APOB: variants seen among roughly 807,000 people sequenced by gnomAD.
The protein encoded by APOB is apolipoprotein B-100.
Under a neutral mutation model 314.1 loss-of-function variants are expected in APOB, and 153 were observed. That is an observed-to-expected ratio of 0.49 (90% CI 0.43 to 0.56). APOB has a LOEUF of 0.56. Ranked by LOEUF, APOB falls within the 20% of genes least tolerant of loss-of-function variation. The pLI is 0.00. For missense variants in APOB, 5,430 were observed against 5,350.7 expected (o/e 1.01, Z -0.46); for synonymous variants, 2,087 against 2,036.4 (o/e 1.02, Z -0.67).
Position 21,022,950 on chromosome 2 carries a change from G to A in APOB, c.2697C>T (p.Val899=), listed in dbSNP as rs1558570106. 3.7e-6 allele frequency: 6 copies of A among 1,613,952 alleles called. No individual in the cohort carries two copies. Among genetic ancestry groups the A allele is most frequent in the Non-Finnish European group, 5.1e-6 (6 of 1,180,014 alleles). The part of the protein sequence containing the change: ...IIIPDFARSG[V]QMNTNFFHES... The stretch of plus-strand genomic sequence containing the variant: ...CGTGGAAGAAGTTGGTGTTCATCTG[G>A]ACCCCACTCCTAGCGAAGTCCGGAA... The change falls in exon 18 of 29, where the codon GTC becomes GTT. Residue 899 remains valine, a synonymous_variant. Coordinates refer to ENST00000233242, the MANE Select transcript of APOB (RefSeq NM_000384.3).
intron 20 of APOB, among the ~76,000 whole-genome samples, chr2:21,017,013 A>T (rs1663494368): frequency 7.4e-6 from 1 of 135,626 alleles, no homozygotes; most frequent in Non-Finnish European, 1.6e-5. Context: ...AAATAAATAA[A>T]TAAACAAACA....
intron 21 of APOB, 77 bp downstream of exon 21, chr2:21,016,362 T>G (rs1572788561): frequency 6.3e-6 from 5 of 788,922 alleles, no homozygotes; most frequent in East Asian, 2.5e-5. Flanking sequence ...CTTGGTCAGG[T>G]ATGAAGTGGA....
In APOB at chr2:21,010,692, T is replaced by C; in HGVS notation, c.6176A>G (p.Lys2059Arg). The part of the protein sequence containing the change: ...PQEFTIVAFV[K>R]YDKNQDVHSI... The stretch of plus-strand genomic sequence containing the variant: ...GTGAACATCTTGGTTTTTATCATAC[T>C]TTACAAAAGCAACAATTGTAAATTC... The change falls in exon 26 of 29, where the codon AAG becomes AGG. Residue 2059 changes from lysine to arginine, a missense_variant. Around this residue, in one of 3 missense-constraint regions of APOB, gnomAD observed 3,281 missense variants for 3,171.0 expected, o/e 1.03. Coordinates refer to ENST00000233242, the MANE Select transcript of APOB (RefSeq NM_000384.3). The C allele has an allele frequency of 6.2e-7, 1 of 1,614,044 alleles. No individual in the cohort carries two copies. The highest frequency in any genetic ancestry group is 8.5e-7 in the Non-Finnish European group (1 of 1,179,962).
rs765952330 is a variant in APOB, at chr2:21,015,514, C to T, written c.3364G>A (p.Gly1122Ser). Residue 1122 changes from glycine (G) to serine (S), a missense_variant, in exon 22 of 29, where the codon GGT becomes AGT. By Grantham distance (56) the Gly-to-Ser change is moderately conservative (BLOSUM62 0). Transcript: ENST00000233242. Reference sequence around the variant, plus strand: ...TGCAAACGGGGTATGGAAATAACACCCTTGATTTTTCTTTCTTCCTTTGTG... The same window carrying T: ...TGCAAACGGGGTATGGAAATAACACTCTTGATTTTTCTTTCTTCCTTTGTG... ...CDTKEERKIK[G>S]VISIPRLQAE... 1.9e-6 allele frequency: 3 copies of T among 1,613,638 alleles called. No individual in the cohort carries two copies. The highest frequency in any genetic ancestry group is 3.3e-5 in the Admixed American group (2 of 59,994).
At chr2:21,004,194 G>T in intron 28 of APOB, 75 bp downstream of exon 28, 3 of 1,498,724 alleles carry the variant, frequency 2.0e-6, no homozygotes, top group Middle Eastern at 1.7e-4. Flanking sequence ...CTGAATATTT[G>T]GTCCTGAATT....
rs754318938 is a variant in APOB at position 21,028,074 on chromosome 2, GA to G, written c.1830-10del. ...TCACTAACTTTTTCAGACTAGATAA[GA>G]AGAAGTATATTTTGAGCTGACACAC... On this transcript the variant is annotated splice_polypyrimidine_tract_variant and intron_variant, in intron 13 of 28. Coordinates refer to ENST00000233242, the MANE Select transcript of APOB (RefSeq NM_000384.3). The G allele has an allele frequency of 2.7e-5, 43 of 1,569,838 alleles. No individual in the cohort carries two copies. In the African/African-American group the frequency reaches 5.4e-4, roughly 20 times the overall value.
In APOB at chr2:21,007,108, G is replaced by A. The variant is rs903518093; in HGVS notation, c.9760C>T (p.Pro3254Ser). The A allele has an allele frequency of 6.2e-7, 1 of 1,614,008 alleles. No individual in the cohort carries two copies. The highest frequency in any genetic ancestry group is 8.5e-7 in the Non-Finnish European group (1 of 1,179,940). ...GGAGACACTTCAACATTGACAACTGGAACAGTGTATCCAGGAATTTGAAAG... is the reference window on the plus strand; with the variant it reads ...GGAGACACTTCAACATTGACAACTGAAACAGTGTATCCAGGAATTTGAAAG... ...RTFQIPGYTV[P>S]VVNVEVSPFT... Residue 3254 changes from proline (P) to serine (S), a missense_variant, in exon 26 of 29, where the codon CCA becomes TCA. Pro to Ser is a moderately conservative substitution (Grantham distance 74). Around this residue, in one of 3 missense-constraint regions of APOB, gnomAD observed 3,281 missense variants for 3,171.0 expected, o/e 1.03. Transcript: ENST00000233242.
intron 23 of APOB, 121 bp from the exon 24 acceptor site, chr2:21,014,714 T>A: frequency 9.9e-7 from 1 of 1,013,982 alleles, no homozygotes. Flanking sequence ...GCACTGAAAG[T>A]TAAAAATAAA....
chr2:21,008,406 G>A lies in APOB; in HGVS notation c.8462C>T (p.Pro2821Leu), dbSNP rs72653095. The A allele has an allele frequency of 3.9e-3, 6,285 of 1,613,940 alleles. 14 individuals are homozygous for A. The highest frequency in any genetic ancestry group is 8.5e-3 in the South Asian group (773 of 91,072). The change falls in exon 26 of 29, where the codon CCG becomes CTG. Residue 2821 changes from proline to leucine, a missense_variant. Pro to Leu is a moderately conservative substitution (Grantham distance 98). This residue lies in a region of APOB where 3,281 missense variants were observed against 3,171.0 expected (regional missense o/e 1.03). Coordinates refer to ENST00000233242, the MANE Select transcript of APOB (RefSeq NM_000384.3). The part of the protein sequence containing the change: ...NAQLSNPKIN[P>L]LALKESVKFS... The stretch of plus-strand genomic sequence containing the variant: ...CTTCACTGACTCCTTCAGAGCCAGC[G>A]GATTAATCTTAGGGTTTGAGAGTTG...
rs1171883774 is a variant in APOB, at chr2:21,007,134, G to A, written c.9734C>T (p.Thr3245Ile). The A allele has an allele frequency of 6.2e-7, 1 of 1,613,868 alleles. No homozygotes were observed. The highest frequency in any genetic ancestry group is 8.5e-7 in the Non-Finnish European group (1 of 1,179,942). Reference sequence around the variant, plus strand: ...AACAGTGTATCCAGGAATTTGAAAGGTCCTGGGGAGCTCGTCGTGAGATTT... The same window carrying A: ...AACAGTGTATCCAGGAATTTGAAAGATCCTGGGGAGCTCGTCGTGAGATTT... ...AEKSHDELPR[T>I]FQIPGYTVPV... Residue 3245 changes from threonine (T) to isoleucine (I), a missense_variant, in exon 26 of 29, where the codon ACC becomes ATC. Around this residue, in one of 3 missense-constraint regions of APOB, gnomAD observed 3,281 missense variants for 3,171.0 expected, o/e 1.03. Coordinates refer to ENST00000233242, the MANE Select transcript of APOB (RefSeq NM_000384.3).
Position 21,019,989 on chromosome 2 carries a change from C to G in APOB, c.2817-84G>C, listed in dbSNP as rs962342786. The stretch of plus-strand genomic sequence containing the variant: ...CAAATTCTCAGGGTGCAAATACCCC[C>G]TTATCCTCCTGTCTTCCCTCAGTCC... On this transcript the variant is annotated intron_variant, in intron 18 of 28. Transcript: ENST00000233242. The G allele has an allele frequency of 1.7e-5, 21 of 1,252,134 alleles. No individual in the cohort carries two copies. The Middle Eastern group carries it at 7.4e-4, about 44-fold the overall frequency. The allele number at this position is 1,252,134 out of a possible 1,614,324, so 77.6% of individuals were successfully genotyped here.
In APOB at chr2:21,006,613, T is replaced by C; in HGVS notation, c.10255A>G (p.Lys3419Glu). The C allele has an allele frequency of 6.2e-7, 1 of 1,614,110 alleles. No individual in the cohort carries two copies. The highest frequency in any genetic ancestry group is 1.7e-5 in the Admixed American group (1 of 60,020). Residue 3419 changes from lysine to glutamate, a missense_variant, in exon 26 of 29, where the codon AAA (lysine) becomes GAA (glutamate). Around this residue, in one of 3 missense-constraint regions of APOB, gnomAD observed 3,281 missense variants for 3,171.0 expected, o/e 1.03. Coordinates refer to ENST00000233242, the MANE Select transcript of APOB (RefSeq NM_000384.3). ...GTTGCCACTGACACTTCCATATTTT[T>C]CGTGGTTAAGCTCACAGTACTGTTA... The part of the protein sequence containing the change: ...SHNSTVSLTT[K>E]NMEVSVATTT...
At chr2:21,035,533 G>C in intron 7 of APOB, 51 bp downstream of exon 7, 1 of 1,610,458 alleles carries the variant, frequency 6.2e-7, no homozygotes, top group Non-Finnish European at 8.5e-7. Context: ...GAAGTGTTCA[G>C]TTCACACTGA....
In APOB at chr2:21,016,488, C is replaced by T. The variant is rs1377332778; in HGVS notation, c.3283G>A (p.Asp1095Asn). 1.1e-5 allele frequency: 17 copies of T among 1,611,960 alleles called. No individual in the cohort carries two copies. The highest frequency in any genetic ancestry group is 1.6e-4 in the Middle Eastern group (1 of 6,076). The change falls in exon 21 of 29, where the codon GAC (aspartate) becomes AAC (asparagine). Residue 1095 changes from aspartate to asparagine, a missense_variant. Coordinates refer to ENST00000233242, the MANE Select transcript of APOB (RefSeq NM_000384.3). ...TCAGTAATTTTCTTGTTCTGAATGT[C>T]CAGGGTGAGTCTGTAAGACGTTTTG... ...EGKTSYRLTL[D>N]IQNKKITEVA...
rs1663798784 is a variant in APOB, at chr2:21,028,548, A to G, written c.1618-10T>C. On this transcript the variant is annotated splice_polypyrimidine_tract_variant and intron_variant, in intron 12 of 28. Transcript: ENST00000233242. Reference sequence around the variant, plus strand: ...GAAGAACCTCCTGGTCCTGCAGTCAAAAGAGGAGATGGTTATCACTGTCCT... The same window carrying G: ...GAAGAACCTCCTGGTCCTGCAGTCAGAAGAGGAGATGGTTATCACTGTCCT... The G allele has an allele frequency of 6.3e-7, 1 of 1,596,226 alleles. No homozygotes were observed. Among genetic ancestry groups the G allele is most frequent in the Non-Finnish European group, 8.6e-7 (1 of 1,167,624 alleles).
In APOB at chr2:21,001,572, T is replaced by C; in HGVS notation, c.*158A>G. 1 of 674,700 alleles carries C rather than the reference T, an allele frequency of 1.5e-6. No homozygotes were observed. The highest frequency in any genetic ancestry group is 2.5e-6 in the Non-Finnish European group (1 of 405,964). 41.8% of individuals were successfully genotyped at this position (674,700 alleles called of 1,614,324 possible). ...TTCCGAGCCCTGGTGCCAGCTTTGG[T>C]GCAGGTCCAGTTCATATGTGCTTCT... On this transcript the variant is annotated 3_prime_UTR_variant, in exon 29 of 29. Transcript: ENST00000233242.
chr2:21,041,231 C>T, intron 3 of APOB, 148 bp from the exon 4 acceptor site: 1 of 789,858 alleles, frequency 1.3e-6, no homozygotes, highest in South Asian at 1.5e-5. Context: ...CATGCCTTAT[C>T]AACATGCCTC....
chr2:21,013,505 T>C lies in APOB; in HGVS notation c.3871A>G (p.Lys1291Glu), dbSNP rs1451636342. 1.2e-6 allele frequency: 2 copies of C among 1,614,228 alleles called. No individual in the cohort carries two copies. The highest frequency in any genetic ancestry group is 2.2e-5 in the South Asian group (2 of 91,082). ...GGAATCTCAATTTTCAAACTGTTCT[T>C]GTTCAAGGTATATTTGACCCGGCCA... ...SDGRVKYTLN[K>E]NSLKIEIPLP... Residue 1291 changes from lysine (K) to glutamate (E), a missense_variant, in exon 25 of 29, where the codon AAG becomes GAG. Physicochemically the swap from Lys to Glu is moderately conservative, Grantham distance 56 (BLOSUM62 1). Transcript: ENST00000233242.
chr2:21,035,433 C>A (rs551406944), intron 7 of APOB, 151 bp downstream of exon 7: 14 of 999,826 alleles, frequency 1.4e-5, no homozygotes, highest in Admixed American at 2.0e-5. Context: ...ATGGCCTGTT[C>A]GCTTAAAAAG....
Sources: allele counts gnomAD v4.1 joint callset (sites outside exome capture counted in the v4.1 genomes callset), GRCh38; gene constraint gnomAD v4.1.1; regional missense constraint gnomAD v4.1.1; transcripts MANE v1.5; gene names NCBI Gene and HGNC (gene_info 2026-07-23, HGNC 2026-07-21).